The following TRIO variants were observed in gnomAD, a reference collection of about 807,000 sequenced individuals.
TRIO encodes the protein triple functional domain protein.
TRIO carries 58 observed loss-of-function variants against 351.9 expected under a neutral mutation model. That is an observed-to-expected ratio of 0.16 (90% CI 0.13 to 0.21). The LOEUF is 0.21. Ranked by LOEUF, TRIO falls within the 10% of genes least tolerant of loss-of-function variation. TRIO has a pLI of 1.00. For missense variants in TRIO, 3,201 were observed against 4,027.8 expected (o/e 0.79, Z 5.56); for synonymous variants, 1,758 against 1,595.7 (o/e 1.10, Z -2.42).
At chr5:14,150,847 G>GTTA (rs1787786910) in intron 1 of TRIO, among the ~76,000 whole-genome samples, 1 of 152,136 alleles carries the variant, frequency 6.6e-6, no homozygotes, top group South Asian at 2.1e-4. Context: ...GGTGATCTAG[G>GTTA]GTAATGGTAA....
intron 9 of TRIO, among the ~76,000 whole-genome samples, chr5:14,329,834 A>G (rs1740745079): frequency 6.6e-6 from 1 of 152,206 alleles, no homozygotes; most frequent in African/African-American, 2.4e-5. Flanking sequence ...CAGTGTCTGC[A>G]TGATCGCCCA....
chr5:14,443,275 A>G (rs1397625075), intron 34 of TRIO, among the ~76,000 whole-genome samples: 1 of 152,214 alleles, frequency 6.6e-6, no homozygotes, highest in Admixed American at 6.5e-5. Context: ...TGAACAAAAA[A>G]TGATCACTTC....
At chr5:14,347,830 G>A (rs1742567962) in intron 11 of TRIO, among the ~76,000 whole-genome samples, 1 of 152,164 alleles carries the variant, frequency 6.6e-6, no homozygotes, top group African/African-American at 2.4e-5. Flanking sequence ...CTAGACAAGG[G>A]CCTGTCAGAT....
chr5:14,449,690 GTT>G (rs1238508775), intron 34 of TRIO, among the ~76,000 whole-genome samples: 2 of 152,048 alleles, frequency 1.3e-5, no homozygotes, highest in Non-Finnish European at 2.9e-5. Context: ...CTCTAGCCTT[GTT>G]TTAATTCCTT....
intron 1 of TRIO, among the ~76,000 whole-genome samples, chr5:14,153,685 T>A (rs1335999463): frequency 6.6e-6 from 1 of 152,140 alleles, no homozygotes. Context: ...CTTGCCCCAT[T>A]TGACTCTGTT....
At chr5:14,414,642 A>G (rs1014654297) in intron 33 of TRIO, among the ~76,000 whole-genome samples, 1 of 151,910 alleles carries the variant, frequency 6.6e-6, no homozygotes, top group Non-Finnish European at 1.5e-5. Flanking sequence ...AAAAAATGTA[A>G]CGTAAAGTTT....
At chr5:14,405,253 T>C (rs1012844804) in intron 31 of TRIO, among the ~76,000 whole-genome samples, 4 of 152,126 alleles carry the variant, frequency 2.6e-5, no homozygotes, top group Non-Finnish European at 5.9e-5. Flanking sequence ...GCTTGGAACA[T>C]TGGGCACATT....
chr5:14,293,339 G>A (rs1737066924), intron 6 of TRIO, among the ~76,000 whole-genome samples: 1 of 152,176 alleles, frequency 6.6e-6, no homozygotes, highest in Non-Finnish European at 1.5e-5. Context: ...ATGAAAACAA[G>A]CAAACAGACG....
At position 14,381,048 on chromosome 5, in the gene TRIO, C is replaced by T. The variant is rs960688501; in HGVS notation, c.3448-82C>T. 5.4e-6 allele frequency: 8 copies of T among 1,488,674 alleles called. No individual in the cohort carries two copies. The African/African-American group carries it at 1.1e-4, about 21-fold the overall frequency. 92.2% of individuals were successfully genotyped at this position (1,488,674 alleles called of 1,614,324 possible). On this transcript the variant is annotated intron_variant, in intron 20 of 56. Coordinates refer to ENST00000344204, the MANE Select transcript of TRIO (RefSeq NM_007118.4). Reference sequence around the variant, plus strand: ...CTGCCAGCCTTGGTTTGTGATTTGACCTTTAAATGAGGTGCTCGGGGCTTT... The same window carrying T: ...CTGCCAGCCTTGGTTTGTGATTTGATCTTTAAATGAGGTGCTCGGGGCTTT...
chr5:14,145,446 A>G (rs1787450793), intron 1 of TRIO, among the ~76,000 whole-genome samples: 2 of 151,948 alleles, frequency 1.3e-5, no homozygotes, highest in South Asian at 2.1e-4. Context: ...AAGTGCCTGC[A>G]GAAAGCAAAG....
chr5:14,153,341 C>T (rs562480420), intron 1 of TRIO, among the ~76,000 whole-genome samples: 16 of 152,172 alleles, frequency 1.1e-4, no homozygotes, highest in Non-Finnish European at 1.8e-4. Flanking sequence ...GAATTGTGCT[C>T]CATAGGAAAG....
In TRIO at chr5:14,496,387, G is replaced by A. The variant is rs116073379; in HGVS notation, c.7881-492G>A. On this transcript the variant is annotated intron_variant, in intron 49 of 56. Transcript: ENST00000344204. ...GTGGACCAGCAGGCTTCAGACCCCG[G>A]AGAGCACGTGGTGCAGGCTGAGCCT... 4.1e-3 allele frequency among the ~76,000 whole-genome samples: 618 copies of A among 152,308 alleles called. 6 individuals are homozygous for A. Among genetic ancestry groups the A allele is most frequent in the African/African-American group, 0.013 (544 of 41,576 alleles).
intron 19 of TRIO, 78 bp from the exon 20 acceptor site, chr5:14,377,934 A>C (rs1487808818): frequency 1.3e-5 from 15 of 1,125,264 alleles, no homozygotes; most frequent in Admixed American, 2.0e-5. Flanking sequence ...TAAAAGTCTA[A>C]ATAAAAATGA....
chr5:14,398,759 T>C, intron 29 of TRIO, 121 bp from the exon 30 acceptor site: 1 of 938,656 alleles, frequency 1.1e-6, no homozygotes, highest in Non-Finnish European at 1.6e-6. Context: ...GATGGGAAAC[T>C]CTTATCTAGG....
In TRIO at chr5:14,496,933, A is replaced by G; in HGVS notation, c.7935A>G (p.Lys2645=). 1 of 1,614,252 alleles carries G rather than the reference A, an allele frequency of 6.2e-7. No homozygotes were observed. ...GTTTAAGGAAAAAATCTGAGAAAAAAGATAAAGACGGCAAAAGGGAAGGCA... is the reference window on the plus strand; with the variant it reads ...GTTTAAGGAAAAAATCTGAGAAAAAGGATAAAGACGGCAAAAGGGAAGGCA... ...ALRLRKKSEK[K]DKDGKREGKL... is the part of the protein sequence containing the mutation. Residue 2645 remains lysine (K), a synonymous_variant, in exon 50 of 57, where the codon AAA becomes AAG. Transcript: ENST00000344204.
chr5:14,441,599 G>A (rs577718341), intron 34 of TRIO, among the ~76,000 whole-genome samples: 3 of 152,314 alleles, frequency 2.0e-5, no homozygotes, highest in African/African-American at 7.2e-5. Context: ...TCCATTGTGT[G>A]TTGTAAGACC....
At chr5:14,469,868 G>A (rs1469970511) in intron 37 of TRIO, among the ~76,000 whole-genome samples, 2 of 152,174 alleles carry the variant, frequency 1.3e-5, no homozygotes, top group Admixed American at 6.5e-5. Context: ...CAGCATCAGG[G>A]GCATCTGGAG....
At chr5:14,168,954 CAG>C (rs1788938253) in intron 1 of TRIO, among the ~76,000 whole-genome samples, 3 of 152,228 alleles carry the variant, frequency 2.0e-5, no homozygotes, top group African/African-American at 7.2e-5. Context: ...AGCTGTGAAA[CAG>C]GGAGGCCTTG....
intron 19 of TRIO, among the ~76,000 whole-genome samples, chr5:14,376,930 ATTGT>A (rs1001094502): frequency 2.0e-5 from 3 of 152,174 alleles, no homozygotes; most frequent in African/African-American, 7.2e-5. Flanking sequence ...AGATGGTCTC[ATTGT>A]TTGAGGTTAA....
Sources: allele counts gnomAD v4.1 joint callset (sites outside exome capture counted in the v4.1 genomes callset), GRCh38; gene constraint gnomAD v4.1.1; transcripts MANE v1.5; gene names NCBI Gene and HGNC (gene_info 2026-07-23, HGNC 2026-07-21).